Variants in PLXDC2 observed in about 807,000 individuals in gnomAD.
PLXDC2 encodes plexin domain-containing protein 2.
PLXDC2 carries 40 observed loss-of-function variants against 68.9 expected under a neutral mutation model. The observed-to-expected ratio is 0.58, with a 90% CI of 0.45 to 0.76. The LOEUF (loss-of-function observed/expected upper bound fraction) is 0.76, where lower values mean the gene tolerates loss of function less well. Ranked by LOEUF, PLXDC2 falls within the 30% of genes least tolerant of loss-of-function variation. The pLI, the probability that PLXDC2 is intolerant of heterozygous loss-of-function variation, is 0.00. For synonymous variants in PLXDC2, 243 were observed against 234.2 expected (o/e 1.04, Z -0.34); for missense variants, 644 against 661.9 (o/e 0.97, Z 0.30).
chr10:19,845,562 G>GTTCT (rs1836993162), intron 1 of PLXDC2, among the ~76,000 whole-genome samples: 1 of 152,154 alleles, frequency 6.6e-6, no homozygotes, highest in Admixed American at 6.6e-5. Context: ...CCCCATGAGA[G>GTTCT]TTCTTAGCTT....
Position 19,982,999 on chromosome 10 carries a change from C to G in PLXDC2, c.113-18776C>G, listed in dbSNP as rs1008113384. On this transcript the variant is annotated intron_variant, in intron 1 of 13. Coordinates refer to ENST00000377252, the MANE Select transcript of PLXDC2 (RefSeq NM_032812.9). ...TTCATCATAGTCTCCAAATAATCATCTATTATCAATGTTAACATACTTTTT... is the reference window on the plus strand; with the variant it reads ...TTCATCATAGTCTCCAAATAATCATGTATTATCAATGTTAACATACTTTTT... Among the ~76,000 whole-genome samples the G allele has an allele frequency of 7.8e-4, 118 of 152,180 alleles. 1 individual carries two copies. Among genetic ancestry groups the G allele is most frequent in the African/African-American group, 2.8e-3 (117 of 41,524 alleles).
At chr10:20,078,951 A>G (rs1487923741) in intron 4 of PLXDC2, among the ~76,000 whole-genome samples, 1 of 152,154 alleles carries the variant, frequency 6.6e-6, no homozygotes, top group Non-Finnish European at 1.5e-5. Context: ...TTAGAAGAAA[A>G]CTAGAGAAGA....
At chr10:19,913,414 C>A (rs113097654) in intron 1 of PLXDC2, among the ~76,000 whole-genome samples, 3,424 of 152,260 alleles carry the variant, frequency 0.022, 55 homozygotes, top group African/African-American at 0.034. Flanking sequence ...AATTAAACCT[C>A]TTTTCTTTAT....
intron 2 of PLXDC2, among the ~76,000 whole-genome samples, chr10:20,035,825 A>G (rs1251571464): frequency 6.6e-6 from 1 of 152,182 alleles, no homozygotes; most frequent in Non-Finnish European, 1.5e-5. Flanking sequence ...GAAAGAAACC[A>G]CCCAGCTTTT....
chr10:19,876,574 C>T (rs1837634972), intron 1 of PLXDC2, among the ~76,000 whole-genome samples: 1 of 130,218 alleles, frequency 7.7e-6, no homozygotes, highest in South Asian at 2.5e-4. Flanking sequence ...TGCATTCCAG[C>T]CTGGACAACA....
intron 9 of PLXDC2, among the ~76,000 whole-genome samples, chr10:20,189,673 T>C (rs1454357267): frequency 1.3e-5 from 2 of 150,930 alleles, no homozygotes; most frequent in African/African-American, 2.4e-5. Flanking sequence ...GCTGCATAAC[T>C]TTCCTCTGGA....
intron 4 of PLXDC2, among the ~76,000 whole-genome samples, chr10:20,107,823 A>ATCC (rs1229251212): frequency 6.6e-6 from 1 of 152,178 alleles, no homozygotes; most frequent in Non-Finnish European, 1.5e-5. Context: ...TCCTAGGCAT[A>ATCC]AGGGTGTATA....
At chr10:19,855,687 T>C (rs1225553916) in intron 1 of PLXDC2, among the ~76,000 whole-genome samples, 1 of 152,220 alleles carries the variant, frequency 6.6e-6, no homozygotes, top group Non-Finnish European at 1.5e-5. Context: ...GATTTTGGAG[T>C]ATTTTGGATT....
chr10:20,017,039 A>C (rs533817895), intron 2 of PLXDC2, among the ~76,000 whole-genome samples: 74 of 152,344 alleles, frequency 4.9e-4, no homozygotes, highest in African/African-American at 1.7e-3. Flanking sequence ...TCTCCTAGGC[A>C]ATCACAAATT....
intron 9 of PLXDC2, among the ~76,000 whole-genome samples, chr10:20,182,360 A>G (rs547278448): frequency 6.6e-6 from 1 of 151,974 alleles, no homozygotes; most frequent in South Asian, 2.1e-4. Context: ...AGTATTTACA[A>G]TTCTGAATTT....
intron 1 of PLXDC2, among the ~76,000 whole-genome samples, chr10:19,943,004 C>T (rs1398998795): frequency 1.3e-5 from 2 of 152,152 alleles, no homozygotes; most frequent in Admixed American, 6.5e-5. Flanking sequence ...ATTTTAGCCA[C>T]TAATTGTAAT....
chr10:20,076,294 A>G (rs1360142188), intron 4 of PLXDC2, among the ~76,000 whole-genome samples: 3 of 152,222 alleles, frequency 2.0e-5, no homozygotes, highest in Non-Finnish European at 4.4e-5. Flanking sequence ...TTCTTAGAGA[A>G]GAAGTTAGGC....
At chr10:20,113,419 G>A (rs976677044) in intron 4 of PLXDC2, among the ~76,000 whole-genome samples, 12 of 151,998 alleles carry the variant, frequency 7.9e-5, no homozygotes, top group African/African-American at 2.2e-4. Flanking sequence ...CAGCCCTTTC[G>A]CCCTTTATCC....
intron 6 of PLXDC2, among the ~76,000 whole-genome samples, chr10:20,149,248 T>TTTTTTTTTTTTTTG (rs1834121032): frequency 7.5e-6 from 1 of 133,086 alleles, no homozygotes; most frequent in East Asian, 2.2e-4. Flanking sequence ...TTTTTTTTTT[T>TTTTTTTTTTTTTTG]TTTTTTTGAG....
At chr10:20,114,382 T>C (rs537060084) in intron 4 of PLXDC2, among the ~76,000 whole-genome samples, 2 of 152,308 alleles carry the variant, frequency 1.3e-5, no homozygotes, top group African/African-American at 4.8e-5. Flanking sequence ...AAGCAGTCAA[T>C]GATTACTTGT....
intron 2 of PLXDC2, among the ~76,000 whole-genome samples, chr10:20,008,125 T>C (rs1835056343): frequency 6.6e-6 from 1 of 152,230 alleles, no homozygotes; most frequent in African/African-American, 2.4e-5. Context: ...AATTGTGCAA[T>C]ATGTTTCTTT....
At chr10:20,277,019 G>C (rs1404490391) in intron 13 of PLXDC2, among the ~76,000 whole-genome samples, 1 of 151,944 alleles carries the variant, frequency 6.6e-6, no homozygotes, top group African/African-American at 2.4e-5. Flanking sequence ...AGACCAGCCT[G>C]GCCAAGATGG....
At chr10:20,152,914 G>A (rs972063079) in intron 6 of PLXDC2, among the ~76,000 whole-genome samples, 7 of 151,976 alleles carry the variant, frequency 4.6e-5, no homozygotes, top group Non-Finnish European at 8.8e-5. Context: ...TTATTTTTTT[G>A]GCAGTTGGTA....
chr10:20,034,917 G>A (rs1329095654), intron 2 of PLXDC2, among the ~76,000 whole-genome samples: 1 of 152,126 alleles, frequency 6.6e-6, no homozygotes, highest in Non-Finnish European at 1.5e-5. Context: ...CTAGGTTTGT[G>A]TAGGTACACT....
Sources: allele counts gnomAD v4.1 joint callset (sites outside exome capture counted in the v4.1 genomes callset), GRCh38; gene constraint gnomAD v4.1.1; transcripts MANE v1.5; gene names NCBI Gene and HGNC (gene_info 2026-07-23, HGNC 2026-07-21).